R3HCC1L: variants seen among roughly 807,000 people sequenced by gnomAD.
The protein encoded by R3HCC1L is R3H domain and coiled-coil containing 1 like.
In R3HCC1L, 51 loss-of-function variants were observed where a neutral mutation model predicts 59.9. That is an observed-to-expected ratio of 0.85 (90% CI 0.68 to 1.07). The LOEUF (loss-of-function observed/expected upper bound fraction) is 1.07, where lower values mean the gene tolerates loss of function less well. Among genes scored for constraint, R3HCC1L ranks in the 50% least tolerant of loss-of-function variants. R3HCC1L has a pLI of 0.00. For synonymous variants in R3HCC1L, 322 were observed against 315.2 expected (o/e 1.02, Z -0.23); for missense variants, 965 against 933.0 (o/e 1.03, Z -0.45).
At chr10:98,211,305 A>G (rs1341378497) in intron 5 of R3HCC1L, 2 of 1,506,270 alleles carry the variant, frequency 1.3e-6, no homozygotes, top group East Asian at 2.5e-5. Context: ...CAACTTTTTC[A>G]GGGGATTCTG....
Position 98,208,558 on chromosome 10 carries a change from G to T in R3HCC1L, c.444G>T (p.Leu148Phe), listed in dbSNP as rs1319492344. 1.2e-6 allele frequency: 2 copies of T among 1,614,118 alleles called. No homozygotes were observed. Among genetic ancestry groups the T allele is most frequent in the Admixed American group, 3.3e-5 (2 of 60,012 alleles). ...TTAAACCAAAGAAGGTGGAGTGTTT[G>T]GAAGTTGAAACTACGGATGTGACAG... is the stretch of plus-strand genomic sequence containing the variant. ...RHFKPKKVEC[L>F]EVETTDVTGH... The change falls in exon 5 of 10, where the codon TTG (leucine) becomes TTT (phenylalanine). Residue 148 changes from leucine (L) to phenylalanine (F), a missense_variant. By Grantham distance (22) the Leu-to-Phe change is conservative. Transcript: ENST00000298999.
At chr10:98,154,804 T>C (rs1351981645) in intron 1 of R3HCC1L, among the ~76,000 whole-genome samples, 2 of 152,244 alleles carry the variant, frequency 1.3e-5, no homozygotes, top group East Asian at 3.8e-4. Flanking sequence ...TTATAATTAC[T>C]GAACTATGAG....
intron 5 of R3HCC1L, among the ~76,000 whole-genome samples, chr10:98,211,715 G>A (rs1289494969): frequency 6.6e-6 from 1 of 152,106 alleles, no homozygotes; most frequent in East Asian, 1.9e-4. Context: ...CGTTGATAGG[G>A]CAGAGTTGGG....
Position 98,197,094 on chromosome 10 carries a change from C to T in R3HCC1L, c.-14-11007C>T, listed in dbSNP as rs145392288. Among the ~76,000 whole-genome samples, 181 of 152,180 alleles carry T rather than the reference C, an allele frequency of 1.2e-3. 1 individual carries two copies. The East Asian group carries it at 0.018, about 15-fold the overall frequency. On this transcript the variant is annotated intron_variant, in intron 4 of 9. Coordinates refer to ENST00000298999, the MANE Select transcript of R3HCC1L (RefSeq NM_001351015.2). ...CGTCCCAAGTAGCTGGGATTACAGG[C>T]GTGTGCCACCATGCCTGGCTATTTT...
At chr10:98,226,563 A>G (rs1476687949) in intron 5 of R3HCC1L, among the ~76,000 whole-genome samples, 1 of 152,210 alleles carries the variant, frequency 6.6e-6, no homozygotes, top group Non-Finnish European at 1.5e-5. Context: ...CAGATCCTCA[A>G]ATTCTCTGGA....
At chr10:98,179,807 C>G (rs1487272406) in intron 4 of R3HCC1L, among the ~76,000 whole-genome samples, 1 of 152,016 alleles carries the variant, frequency 6.6e-6, no homozygotes, top group Non-Finnish European at 1.5e-5. Flanking sequence ...TGTATATGTC[C>G]AGGAATTTAT....
chr10:98,172,197 G>A (rs547729623), intron 4 of R3HCC1L, among the ~76,000 whole-genome samples: 5 of 152,234 alleles, frequency 3.3e-5, no homozygotes, highest in East Asian at 1.9e-4. Context: ...GGATATACAC[G>A]TATTCACAGA....
rs1457214976 is a variant in R3HCC1L, at chr10:98,244,400, C to T, written c.*242C>T. Reference sequence around the variant, plus strand: ...TAGGGAGCCATCAGCTAGGAAGAAACGTGGGAGATGTGAATTCCAAGAGTT... The same window carrying T: ...TAGGGAGCCATCAGCTAGGAAGAAATGTGGGAGATGTGAATTCCAAGAGTT... On this transcript the variant is annotated 3_prime_UTR_variant, in exon 10 of 10. Transcript: ENST00000298999. The T allele has an allele frequency of 1.1e-5, 4 of 372,792 alleles. No homozygotes were observed. Among genetic ancestry groups the T allele is most frequent in the Non-Finnish European group, 2.0e-5 (4 of 200,378 alleles). The allele number at this position is 372,792 out of a possible 1,614,324, so 23.1% of individuals were successfully genotyped here.
intron 4 of R3HCC1L, among the ~76,000 whole-genome samples, chr10:98,166,232 T>C (rs1252230406): frequency 2.0e-5 from 3 of 152,180 alleles, no homozygotes; most frequent in African/African-American, 7.2e-5. Flanking sequence ...TTCTGCTGTA[T>C]GAGAATACAA....
At chr10:98,222,999 A>C (rs10748718) in intron 5 of R3HCC1L, among the ~76,000 whole-genome samples, 140,244 of 151,656 alleles carry the variant, frequency 0.92, 65,808 homozygotes, top group East Asian at 1. Context: ...GAAGAAGTTG[A>C]ATCTCTGAAT....
chr10:98,163,385 T>G lies in R3HCC1L; in HGVS notation c.-27T>G, dbSNP rs1847633785. 7.5e-7 allele frequency: 1 copy of G among 1,336,508 alleles called. No homozygotes were observed. Among genetic ancestry groups the G allele is most frequent in the Non-Finnish European group, 9.9e-7 (1 of 1,008,986 alleles). The allele number at this position is 1,336,508 out of a possible 1,614,324, so 82.8% of individuals were successfully genotyped here. A position where few individuals can be genotyped will look rare whatever the true frequency, so the allele number is the denominator to read the frequency against. The stretch of plus-strand genomic sequence containing the variant: ...AGAGTTTTATTACTAAGAAAATAAA[T>G]GTTACTTACATGGTAAGTTGCCTTT... On this transcript the variant is annotated 5_prime_UTR_variant, in exon 4 of 10. The change abolishes an upstream ATG in the 5' untranslated region. Transcript: ENST00000298999.
At chr10:98,135,762 A>G (rs1405123489) in intron 1 of R3HCC1L, among the ~76,000 whole-genome samples, 2 of 152,314 alleles carry the variant, frequency 1.3e-5, no homozygotes, top group South Asian at 2.1e-4. Flanking sequence ...ACACACAACT[A>G]TCTCTTGCTG....
At chr10:98,181,164 G>A (rs1223855574) in intron 4 of R3HCC1L, among the ~76,000 whole-genome samples, 1 of 152,172 alleles carries the variant, frequency 6.6e-6, no homozygotes, top group East Asian at 1.9e-4. Flanking sequence ...TGCTGTGGCT[G>A]GTACCGGTTG....
chr10:98,235,589 A>G (rs1856842285), intron 8 of R3HCC1L, 69 bp downstream of exon 8: 2 of 1,235,072 alleles, frequency 1.6e-6, no homozygotes, highest in African/African-American at 1.5e-5. Flanking sequence ...GAAGTTTTAT[A>G]GCATCCAGAC....
At chr10:98,194,818 C>A (rs1444046262) in intron 4 of R3HCC1L, among the ~76,000 whole-genome samples, 1 of 152,136 alleles carries the variant, frequency 6.6e-6, no homozygotes, top group African/African-American at 2.4e-5. Context: ...CAGAAAATAA[C>A]AAGTGTTGAC....
chr10:98,227,109 T>G (rs563312776), intron 5 of R3HCC1L, among the ~76,000 whole-genome samples: 1 of 152,216 alleles, frequency 6.6e-6, no homozygotes, highest in Admixed American at 6.5e-5. Flanking sequence ...TGTAACAGAC[T>G]TAGCACTTGG....
chr10:98,238,771 T>C (rs529925594), intron 9 of R3HCC1L, among the ~76,000 whole-genome samples: 138 of 152,356 alleles, frequency 9.1e-4, no homozygotes, highest in African/African-American at 2.9e-3. Context: ...AAACATTTTT[T>C]AAAGTCTCCA....
chr10:98,193,339 C>T (rs1211435838), intron 4 of R3HCC1L, among the ~76,000 whole-genome samples: 2 of 151,828 alleles, frequency 1.3e-5, no homozygotes, highest in Admixed American at 6.6e-5. Context: ...TATCCCTAAT[C>T]ACAGATGACT....
intron 5 of R3HCC1L, among the ~76,000 whole-genome samples, chr10:98,223,016 A>T (rs1467980768): frequency 1.1e-4 from 17 of 151,986 alleles, no homozygotes; most frequent in African/African-American, 4.1e-4. Context: ...GAATAGACCA[A>T]TAACAGGATC....
Sources: allele counts gnomAD v4.1 joint callset (sites outside exome capture counted in the v4.1 genomes callset), GRCh38; gene constraint gnomAD v4.1.1; transcripts MANE v1.5; gene names NCBI Gene and HGNC (gene_info 2026-07-23, HGNC 2026-07-21).